Variants in DGLUCY observed in about 807,000 individuals in gnomAD.
DGLUCY encodes D-glutamate cyclase.
Under a neutral mutation model 58.5 loss-of-function variants are expected in DGLUCY, and 58 were observed. That is an observed-to-expected ratio of 0.99 (90% CI 0.80 to 1.23). The LOEUF is 1.23. Ranked by LOEUF, DGLUCY falls within the 50% of genes most tolerant of loss-of-function variation. The pLI is 0.00. For missense variants in DGLUCY, 779 were observed against 784.7 expected, an observed-to-expected ratio of 0.99 and a Z score of 0.09; for synonymous variants, 325 against 314.1, an observed-to-expected ratio of 1.03 and a Z score of -0.37.
intron 2 of DGLUCY, among the ~76,000 whole-genome samples, chr14:91,159,454 AAAAC>A (rs1168513733): frequency 2.0e-5 from 3 of 152,194 alleles, no homozygotes; most frequent in African/African-American, 7.2e-5. Flanking sequence ...TGCCTCAAGA[AAAAC>A]AAACAAACAA....
intron 1 of DGLUCY, among the ~76,000 whole-genome samples, chr14:91,146,823 T>A (rs2140281466): frequency 6.6e-6 from 1 of 152,100 alleles, no homozygotes; most frequent in African/African-American, 2.4e-5. Context: ...TTAGCTGTGT[T>A]TTTCAGAGCA....
intron 12 of DGLUCY, 121 bp from the exon 13 acceptor site, chr14:91,215,284 A>G: frequency 6.8e-7 from 1 of 1,461,842 alleles, no homozygotes. Flanking sequence ...GCAAGCTCCC[A>G]GATGATACTG....
intron 1 of DGLUCY, among the ~76,000 whole-genome samples, chr14:91,130,522 G>A (rs780042545): frequency 2.0e-4 from 30 of 151,958 alleles, no homozygotes; most frequent in Non-Finnish European, 4.1e-4. Context: ...GGGCCAGGAT[G>A]GTCTCGATCT....
chr14:91,159,527 A>G (rs114922565), intron 2 of DGLUCY, among the ~76,000 whole-genome samples: 1,630 of 152,290 alleles, frequency 0.011, 32 homozygotes, highest in African/African-American at 0.038. Flanking sequence ...ATTTGAGACC[A>G]CCTCTATTTT....
chr14:91,072,853 C>T (rs910250374), intron 1 of DGLUCY, among the ~76,000 whole-genome samples: 1 of 151,882 alleles, frequency 6.6e-6, no homozygotes, highest in Non-Finnish European at 1.5e-5. Context: ...ACTAAAAATA[C>T]AAAAAATTAG....
chr14:91,106,198 C>T (rs141261283), upstream of DGLUCY, among the ~76,000 whole-genome samples: 1,064 of 151,676 alleles, frequency 7.0e-3, 4 homozygotes, highest in Non-Finnish European at 9.9e-3. Flanking sequence ...ATCCCAGCTG[C>T]TGGGGAGGCT....
intron 1 of DGLUCY, among the ~76,000 whole-genome samples, chr14:91,149,921 T>G (rs1029959757): frequency 2.6e-5 from 4 of 152,000 alleles, no homozygotes. Flanking sequence ...ATTTTCAGAG[T>G]CATAAAGCTT....
intron 1 of DGLUCY, among the ~76,000 whole-genome samples, chr14:91,133,155 C>T (rs766655719): frequency 5.9e-5 from 9 of 151,876 alleles, no homozygotes; most frequent in Non-Finnish European, 1.0e-4. Flanking sequence ...ATTAGCCGGG[C>T]GTGGTAGCAG....
intron 1 of DGLUCY, among the ~76,000 whole-genome samples, chr14:91,150,737 G>GT (rs756919897): frequency 2.6e-5 from 4 of 152,182 alleles, no homozygotes; most frequent in Admixed American, 1.3e-4. Flanking sequence ...TAATCCGAAT[G>GT]TTTTTTAACA....
intron 1 of DGLUCY, among the ~76,000 whole-genome samples, chr14:91,067,099 AG>A (rs2043836299): frequency 6.6e-6 from 1 of 150,418 alleles, no homozygotes; most frequent in African/African-American, 2.5e-5. Context: ...AAAAAAAAAA[AG>A]AAAGAGTTAT....
rs932181430 is a variant in DGLUCY, at chr14:91,139,558, G to T, written c.-81-18081G>T. On this transcript the variant is annotated intron_variant, in intron 1 of 13. Coordinates refer to ENST00000256324, the MANE Select transcript of DGLUCY (RefSeq NM_001102368.3). ...AAATGAGCTGGATGTGGTGGCTTGT[G>T]CCTATAATCCCAGCTACTTGGGAGG... is the stretch of plus-strand genomic sequence containing the variant. Among the ~76,000 whole-genome samples the T allele has an allele frequency of 3.2e-4, 48 of 152,262 alleles. 1 individual carries two copies. Among genetic ancestry groups the T allele is most frequent in the African/African-American group, 1.1e-3 (47 of 41,560 alleles).
intron 1 of DGLUCY, among the ~76,000 whole-genome samples, chr14:91,066,561 C>T (rs952908670): frequency 2.0e-5 from 3 of 151,998 alleles, no homozygotes; most frequent in African/African-American, 4.8e-5. Context: ...CACTGAGAAG[C>T]GGAGAGGATC....
intron 1 of DGLUCY, among the ~76,000 whole-genome samples, chr14:91,097,143 TC>T (rs1427437649): frequency 3.3e-5 from 5 of 152,192 alleles, no homozygotes; most frequent in Admixed American, 3.3e-4. Flanking sequence ...ACGCCTGTAA[TC>T]CCAGCACTTT....
In DGLUCY at chr14:91,124,663, TTTG is replaced by T. The variant is rs1175186848; in HGVS notation, c.-82+10386_-82+10388del. Among the ~76,000 whole-genome samples, 6 of 152,210 alleles carry T rather than the reference TTTG, an allele frequency of 3.9e-5. No individual in the cohort carries two copies. The East Asian group carries it at 9.6e-4, about 24-fold the overall frequency. On this transcript the variant is annotated intron_variant, in intron 1 of 13. Transcript: ENST00000256324. Reference sequence around the variant, plus strand: ...CAAATCAGCCTGTTTCATAGAAGCCTTTGTTGTTTGTTCTGATGAGATTTTTAC... The same window carrying T: ...CAAATCAGCCTGTTTCATAGAAGCCTTTGTTTGTTCTGATGAGATTTTTAC...
chr14:91,124,451 T>G (rs905667304), intron 1 of DGLUCY, among the ~76,000 whole-genome samples: 3 of 152,238 alleles, frequency 2.0e-5, no homozygotes, highest in African/African-American at 7.2e-5. Context: ...AGGTCCACTG[T>G]GGGCATAGCT....
At chr14:91,181,444 C>CTCGGCATAG in intron 8 of DGLUCY, 55 bp downstream of exon 8, 1 of 1,533,818 alleles carries the variant, frequency 6.5e-7, no homozygotes, top group Non-Finnish European at 8.9e-7. Flanking sequence ...AACACATTTG[C>CTCGGCATAG]ACCTGGAGAA....
chr14:91,085,824 C>A (rs2044208035), intron 1 of DGLUCY, among the ~76,000 whole-genome samples: 1 of 152,166 alleles, frequency 6.6e-6, no homozygotes, highest in African/African-American at 2.4e-5. Flanking sequence ...CTGCCTTAGC[C>A]TCCCAAAGTG....
intron 1 of DGLUCY, among the ~76,000 whole-genome samples, chr14:91,145,899 G>A (rs118143208): frequency 6.6e-6 from 1 of 152,128 alleles, no homozygotes; most frequent in Non-Finnish European, 1.5e-5. Flanking sequence ...TATTTTTGGA[G>A]ACAGGCTCTC....
chr14:91,189,522 G>GT (rs2049735203), intron 9 of DGLUCY, among the ~76,000 whole-genome samples: 2 of 152,344 alleles, frequency 1.3e-5, no homozygotes, highest in Admixed American at 1.3e-4. Flanking sequence ...GAGTAGTGGA[G>GT]TATGAAGTGG....
Sources: allele counts gnomAD v4.1 joint callset (sites outside exome capture counted in the v4.1 genomes callset), GRCh38; gene constraint gnomAD v4.1.1; transcripts MANE v1.5; gene names NCBI Gene and HGNC (gene_info 2026-07-23, HGNC 2026-07-21).